CHST8: variants seen among roughly 807,000 people sequenced by gnomAD.
The protein encoded by CHST8 is GALNAC-4-ST1.
CHST8 carries 10 observed loss-of-function variants against 15.0 expected under a neutral mutation model. That is an observed-to-expected ratio of 0.67 (90% CI 0.41 to 1.13). The LOEUF is 1.13. Ranked by LOEUF, CHST8 falls within the 50% of genes most tolerant of loss-of-function variation. The pLI, the probability that CHST8 is intolerant of heterozygous loss-of-function variation, is 0.00. For synonymous variants in CHST8, 259 were observed against 256.6 expected, an observed-to-expected ratio of 1.01 and a Z score of -0.09; for missense variants, 634 against 608.2, an observed-to-expected ratio of 1.04 and a Z score of -0.45.
chr19:33,762,146 G>A (rs1974744789), intron 3 of CHST8, among the ~76,000 whole-genome samples: 1 of 152,226 alleles, frequency 6.6e-6, no homozygotes, highest in Non-Finnish European at 1.5e-5. Flanking sequence ...GCGCGGGTGT[G>A]CTGGGGTCAC....
At chr19:33,732,906 C>T (rs1415325019) in intron 3 of CHST8, among the ~76,000 whole-genome samples, 1 of 152,190 alleles carries the variant, frequency 6.6e-6, no homozygotes, top group African/African-American at 2.4e-5. Context: ...ATCACCCTCC[C>T]AGCAGATCAG....
intron 3 of CHST8, among the ~76,000 whole-genome samples, chr19:33,770,409 C>A (rs915370643): frequency 2.0e-5 from 3 of 152,212 alleles, no homozygotes; most frequent in Non-Finnish European, 2.9e-5. Flanking sequence ...AAATGTCCAC[C>A]CACATGGTAC....
Position 33,665,509 on chromosome 19 carries a change from G to A in CHST8, c.-163-2258G>A, listed in dbSNP as rs555555544. Among the ~76,000 whole-genome samples the A allele has an allele frequency of 1.8e-4, 27 of 152,176 alleles. No homozygotes were observed. In the East Asian group the frequency reaches 2.1e-3, roughly 12 times the overall value. On this transcript the variant is annotated intron_variant, in intron 1 of 4. Coordinates refer to ENST00000650847, the MANE Select transcript of CHST8 (RefSeq NM_001127895.2). Reference sequence around the variant, plus strand: ...TGTGGTCCATGGGCCACAGTTTGCCGAACACTGGTTTAATGGATTGCAAGA... The same window carrying A: ...TGTGGTCCATGGGCCACAGTTTGCCAAACACTGGTTTAATGGATTGCAAGA...
chr19:33,663,730 C>A (rs1219600623), intron 1 of CHST8, among the ~76,000 whole-genome samples: 1 of 152,004 alleles, frequency 6.6e-6, no homozygotes, highest in Admixed American at 6.6e-5. Flanking sequence ...ATTAGCAGGA[C>A]ATGGTGGCAG....
intron 3 of CHST8, among the ~76,000 whole-genome samples, chr19:33,746,808 A>G (rs1974322417): frequency 6.6e-6 from 1 of 152,090 alleles, no homozygotes; most frequent in Non-Finnish European, 1.5e-5. Context: ...CTGGCCAGAT[A>G]ACTGGTACAT....
intron 2 of CHST8, among the ~76,000 whole-genome samples, chr19:33,681,273 C>A (rs1197665204): frequency 1.3e-5 from 2 of 152,174 alleles, no homozygotes; most frequent in Admixed American, 6.5e-5. Context: ...CCAGGGAGGC[C>A]TCAGGGGAGC....
At chr19:33,752,091 TG>T (rs1301580386) in intron 3 of CHST8, among the ~76,000 whole-genome samples, 1 of 152,192 alleles carries the variant, frequency 6.6e-6, no homozygotes, top group Non-Finnish European at 1.5e-5. Flanking sequence ...CACAGCTGCC[TG>T]AGCCCCAGGA....
intron 2 of CHST8, among the ~76,000 whole-genome samples, chr19:33,688,153 C>T (rs1973020928): frequency 6.6e-6 from 1 of 152,182 alleles, no homozygotes; most frequent in Non-Finnish European, 1.5e-5. Flanking sequence ...GTGGCTCTCT[C>T]CCCCTGTACT....
chr19:33,643,336 G>A (rs1202164948), intron 1 of CHST8, among the ~76,000 whole-genome samples: 1 of 152,140 alleles, frequency 6.6e-6, no homozygotes, highest in Non-Finnish European at 1.5e-5. Flanking sequence ...CCAAAGTCAT[G>A]CATGTGCATA....
chr19:33,728,537 C>T (rs976220423), intron 3 of CHST8, among the ~76,000 whole-genome samples: 1 of 152,252 alleles, frequency 6.6e-6, no homozygotes, highest in Non-Finnish European at 1.5e-5. Flanking sequence ...CCTCAAGTAA[C>T]CATGCCCTGC....
intron 3 of CHST8, among the ~76,000 whole-genome samples, chr19:33,690,668 G>T (rs999947573): frequency 1.1e-4 from 17 of 152,346 alleles, no homozygotes; most frequent in African/African-American, 3.8e-4. Context: ...CCCACAGGTG[G>T]TGGCTGTCAG....
intron 1 of CHST8, among the ~76,000 whole-genome samples, chr19:33,658,889 CAG>C (rs1972547553): frequency 6.6e-6 from 1 of 151,936 alleles, no homozygotes; most frequent in South Asian, 2.1e-4. Context: ...CGTCAGATTC[CAG>C]AGTGTGGATT....
chr19:33,650,513 C>CTTTTTTTTTT (rs1356639318), intron 1 of CHST8, among the ~76,000 whole-genome samples: 3 of 36,850 alleles, frequency 8.1e-5, no homozygotes, highest in Non-Finnish European at 1.5e-4. Flanking sequence ...TTTTCTTTTT[C>CTTTTTTTTTT]TTTTCTTTTT....
chr19:33,640,303 T>C (rs1460798919), intron 1 of CHST8, among the ~76,000 whole-genome samples: 1 of 152,210 alleles, frequency 6.6e-6, no homozygotes, highest in Non-Finnish European at 1.5e-5. Flanking sequence ...TAACTATATT[T>C]CTGTCCAGAA....
chr19:33,666,954 G>A (rs1395545411), intron 1 of CHST8, among the ~76,000 whole-genome samples: 1 of 152,058 alleles, frequency 6.6e-6, no homozygotes, highest in Admixed American at 6.5e-5. Flanking sequence ...TGCCTGCCTC[G>A]GCCTCCCATA....
intron 2 of CHST8, among the ~76,000 whole-genome samples, chr19:33,674,345 A>G (rs1212391967): frequency 6.6e-6 from 1 of 152,158 alleles, no homozygotes; most frequent in Non-Finnish European, 1.5e-5. Context: ...AGGAGCTGCC[A>G]TCGGCATGGG....
chr19:33,658,726 T>G (rs1163981913), intron 1 of CHST8, among the ~76,000 whole-genome samples: 1 of 152,178 alleles, frequency 6.6e-6, no homozygotes, highest in East Asian at 1.9e-4. Flanking sequence ...TTTACCAAGA[T>G]TACGAATTTA....
intron 3 of CHST8, among the ~76,000 whole-genome samples, chr19:33,740,400 C>G (rs1974163293): frequency 6.6e-6 from 1 of 152,228 alleles, no homozygotes; most frequent in South Asian, 2.1e-4. Context: ...AGAAGATCTT[C>G]AGGTTTCCCT....
intron 3 of CHST8, among the ~76,000 whole-genome samples, chr19:33,747,859 G>T (rs1289998387): frequency 7.9e-5 from 12 of 152,110 alleles, no homozygotes. Context: ...ACACACAAGG[G>T]GGGTTCCTAG....
Sources: allele counts gnomAD v4.1 joint callset (sites outside exome capture counted in the v4.1 genomes callset), GRCh38; gene constraint gnomAD v4.1.1; transcripts MANE v1.5; gene names NCBI Gene and HGNC (gene_info 2026-07-23, HGNC 2026-07-21).